The following GALNT13 variants were observed in gnomAD, a reference collection of about 807,000 sequenced individuals.
The protein encoded by GALNT13 is polypeptide N-acetylgalactosaminyltransferase 13, also known as UDP-GalNAc:polypeptide N-acetylgalactosaminyltransferase 13.
A neutral mutation model predicts 64.2 loss-of-function variants in GALNT13; 28 were observed. The ratio of observed to expected loss-of-function variants is 0.44; its 90% CI spans 0.32 to 0.60. The LOEUF is 0.60. GALNT13 is among the 20% of genes least tolerant of loss of function. The probability of loss-of-function intolerance (pLI) is 0.05; values close to 1 mark genes in which losing one functional copy is unlikely to be tolerated. For missense variants in GALNT13, 577 were observed against 669.8 expected (o/e 0.86, Z 1.53); for synonymous variants, 214 against 224.6 (o/e 0.95, Z 0.42).
intron 8 of GALNT13, among the ~76,000 whole-genome samples, chr2:154,282,182 TCTC>T (rs986942654): frequency 1.3e-5 from 2 of 152,072 alleles, no homozygotes; most frequent in African/African-American, 4.8e-5. Context: ...CCTGAAAAAT[TCTC>T]CTAAAGGAGA....
At chr2:153,764,171 T>C in the GALNT13 span, among the ~76,000 whole-genome samples, 1 of 152,200 alleles carries the variant, frequency 6.6e-6, no homozygotes, top group African/African-American at 2.4e-5. Flanking sequence ...CCTACAAGTC[T>C]GTGGGACTTT....
At chr2:153,464,781 T>C in the GALNT13 span, among the ~76,000 whole-genome samples, 3 of 152,096 alleles carry the variant, frequency 2.0e-5, no homozygotes, top group Non-Finnish European at 2.9e-5. Flanking sequence ...GATTCCATGG[T>C]CTTGTTGTAT....
the GALNT13 span, among the ~76,000 whole-genome samples, chr2:153,827,467 C>T: frequency 2.0e-5 from 3 of 151,598 alleles, no homozygotes; most frequent in Non-Finnish European, 4.4e-5. Context: ...ACTACAAATA[C>T]AAAAAAAATT....
At chr2:153,517,789 G>A in the GALNT13 span, among the ~76,000 whole-genome samples, 1 of 152,114 alleles carries the variant, frequency 6.6e-6, no homozygotes, top group African/African-American at 2.4e-5. Flanking sequence ...GCTAAAATCA[G>A]TTGGCAAAAG....
intron 12 of GALNT13, among the ~76,000 whole-genome samples, chr2:154,443,287 A>G (rs899509264): frequency 3.9e-5 from 6 of 152,132 alleles, no homozygotes; most frequent in Non-Finnish European, 7.4e-5. Context: ...TTAAATGATT[A>G]CACTTCATAT....
the GALNT13 span, among the ~76,000 whole-genome samples, chr2:153,726,161 A>C: frequency 4.1e-4 from 63 of 152,340 alleles, no homozygotes; most frequent in African/African-American, 1.3e-3. Context: ...ATTCACATGC[A>C]TATACAGAAA....
chr2:153,306,899 G>A, the GALNT13 span, among the ~76,000 whole-genome samples: 1 of 152,106 alleles, frequency 6.6e-6, no homozygotes, highest in Non-Finnish European at 1.5e-5. Context: ...ACCGTGCTCA[G>A]CTAATTTTTT....
At chr2:153,660,627 C>G in the GALNT13 span, among the ~76,000 whole-genome samples, 2 of 150,602 alleles carry the variant, frequency 1.3e-5, no homozygotes. Context: ...ATATATACAA[C>G]CCCTGAAATA....
intron 3 of GALNT13, among the ~76,000 whole-genome samples, chr2:153,993,568 G>C (rs2105196181): frequency 6.6e-6 from 1 of 151,590 alleles, no homozygotes; most frequent in Middle Eastern, 3.4e-3. Context: ...ATAGTGGCGG[G>C]CGCCTGTAGT....
chr2:153,993,784 G>A (rs1455327874), intron 3 of GALNT13, among the ~76,000 whole-genome samples: 1 of 151,474 alleles, frequency 6.6e-6, no homozygotes, highest in African/African-American at 2.4e-5. Context: ...TGGTGGTAAT[G>A]ACTTTTATTC....
the GALNT13 span, among the ~76,000 whole-genome samples, chr2:153,630,962 C>T: frequency 4.0e-5 from 6 of 150,952 alleles, no homozygotes; most frequent in East Asian, 1.2e-3. Context: ...CCTCCCCACT[C>T]CCGCCACCCC....
At chr2:153,813,695 C>G in the GALNT13 span, among the ~76,000 whole-genome samples, 1 of 152,178 alleles carries the variant, frequency 6.6e-6, no homozygotes, top group Non-Finnish European at 1.5e-5. Context: ...CTGCCAGTGG[C>G]TGGAAATCTC....
the GALNT13 span, among the ~76,000 whole-genome samples, chr2:153,082,932 G>A: frequency 1.3e-5 from 2 of 151,520 alleles, no homozygotes; most frequent in African/African-American, 2.4e-5. Flanking sequence ...AGGTTCAAGC[G>A]ATTCTCCTGC....
chr2:154,169,501 T>C (rs1685236394), intron 4 of GALNT13, among the ~76,000 whole-genome samples: 1 of 152,152 alleles, frequency 6.6e-6, no homozygotes, highest in South Asian at 2.1e-4. Context: ...CTGAATGGAA[T>C]CTTCTTCCAA....
chr2:153,378,403 G>C, the GALNT13 span, among the ~76,000 whole-genome samples: 1 of 152,048 alleles, frequency 6.6e-6, no homozygotes, highest in East Asian at 1.9e-4. Flanking sequence ...GGAACATACA[G>C]TTTGTGATAT....
the GALNT13 span, among the ~76,000 whole-genome samples, chr2:153,089,239 T>G: frequency 8.5e-5 from 13 of 152,306 alleles, no homozygotes; most frequent in Admixed American, 3.9e-4. Context: ...TGAGGCTTAG[T>G]TTTTCTGAGT....
chr2:153,720,959 A>C, the GALNT13 span, among the ~76,000 whole-genome samples: 1 of 152,106 alleles, frequency 6.6e-6, no homozygotes, highest in Admixed American at 6.5e-5. Flanking sequence ...AAATACAGAG[A>C]ACGCCACAAA....
the GALNT13 span, among the ~76,000 whole-genome samples, chr2:153,838,161 A>T: frequency 7.9e-5 from 12 of 152,010 alleles, no homozygotes; most frequent in African/African-American, 2.9e-4. Flanking sequence ...ACACTGTCAG[A>T]TATAAAGTTT....
At chr2:153,939,360 A>G (rs1691177822) in intron 2 of GALNT13, among the ~76,000 whole-genome samples, 1 of 152,208 alleles carries the variant, frequency 6.6e-6, no homozygotes, top group African/African-American at 2.4e-5. Context: ...ATGGTAGGAA[A>G]TGAGATCAGA....
Sources: allele counts gnomAD v4.1 joint callset (sites outside exome capture counted in the v4.1 genomes callset), GRCh38; gene constraint gnomAD v4.1.1; transcripts MANE v1.5; gene names NCBI Gene and HGNC (gene_info 2026-07-23, HGNC 2026-07-21).